LCOR: variants seen among roughly 807,000 people sequenced by gnomAD.
The protein encoded by LCOR is ligand-dependent corepressor.
Under a neutral mutation model 64.4 loss-of-function variants are expected in LCOR, and 14 were observed. The observed-to-expected ratio is 0.22, with a 90% CI of 0.14 to 0.34. LCOR has a LOEUF of 0.34. Ranked by LOEUF, LCOR falls within the 10% of genes least tolerant of loss-of-function variation. The pLI is 1.00. For missense variants in LCOR, 1,686 were observed against 1,765.3 expected (o/e 0.96, Z 0.80); for synonymous variants, 643 against 642.5 (o/e 1.00, Z -0.01).
At chr10:96,974,931 A>G (rs1848025805) in intron 7 of LCOR, among the ~76,000 whole-genome samples, 1 of 152,166 alleles carries the variant, frequency 6.6e-6, no homozygotes, top group Non-Finnish European at 1.5e-5. Context: ...CACTTTGGGA[A>G]GCCGAGGCTG....
At chr10:96,927,280 C>T (rs538837382) in intron 4 of LCOR, among the ~76,000 whole-genome samples, 16 of 152,126 alleles carry the variant, frequency 1.1e-4, no homozygotes, top group African/African-American at 3.1e-4. Context: ...GTTGAGCATC[C>T]TGTCCATCTA....
At chr10:96,894,966 T>C (rs1232487606) in intron 2 of LCOR, among the ~76,000 whole-genome samples, 1 of 152,202 alleles carries the variant, frequency 6.6e-6, no homozygotes, top group Non-Finnish European at 1.5e-5. Context: ...AGACCTGACC[T>C]TAATTTTCAG....
intron 7 of LCOR, among the ~76,000 whole-genome samples, chr10:96,969,992 C>A (rs1247100495): frequency 7.0e-6 from 1 of 141,884 alleles, no homozygotes; most frequent in Non-Finnish European, 1.5e-5. Context: ...GGGGTTTCAC[C>A]ATGTTGGCCA....
intron 7 of LCOR, among the ~76,000 whole-genome samples, chr10:96,954,033 C>T (rs1408662091): frequency 5.3e-5 from 8 of 152,046 alleles, no homozygotes; most frequent in Non-Finnish European, 1.2e-4. Flanking sequence ...GTTTGAAAGC[C>T]GTCCATTTGA....
chr10:96,955,360 A>G, intron 7 of LCOR: 1 of 1,614,176 alleles, frequency 6.2e-7, no homozygotes, highest in Non-Finnish European at 8.5e-7. Flanking sequence ...GATGTGAGCC[A>G]TTCATCTCCT....
At chr10:96,932,490 A>T (rs1466609592) in intron 4 of LCOR, among the ~76,000 whole-genome samples, 1 of 152,022 alleles carries the variant, frequency 6.6e-6, no homozygotes, top group Non-Finnish European at 1.5e-5. Context: ...TTTGAGACAG[A>T]GTCTCGCTCT....
At chr10:96,920,937 A>G (rs776567556) in intron 4 of LCOR, among the ~76,000 whole-genome samples, 9 of 151,918 alleles carry the variant, frequency 5.9e-5, no homozygotes, top group Non-Finnish European at 1.3e-4. Context: ...AGCTGAGACC[A>G]CAGGCACTTG....
At chr10:96,844,871 T>C (rs992167629) in intron 2 of LCOR, among the ~76,000 whole-genome samples, 2 of 152,170 alleles carry the variant, frequency 1.3e-5, no homozygotes, top group Non-Finnish European at 2.9e-5. Context: ...CCTTTTCTTC[T>C]ATTGATATTC....
intron 7 of LCOR, among the ~76,000 whole-genome samples, chr10:96,978,511 A>C (rs1461632871): frequency 1.3e-5 from 2 of 152,082 alleles, no homozygotes; most frequent in Non-Finnish European, 2.9e-5. Context: ...CTTTTGTAAT[A>C]CTTCTATAAT....
chr10:96,988,142 T>G lies in LCOR; in HGVS notation c.*3008T>G, dbSNP rs945146831. On this transcript the variant is annotated 3_prime_UTR_variant, in exon 8 of 8. Transcript: ENST00000421806. ...CCCTCTTCAGGACACCCATCTTCTATCCTACGAGACTCCCTGCTATAGATG... is the reference window on the plus strand; with the variant it reads ...CCCTCTTCAGGACACCCATCTTCTAGCCTACGAGACTCCCTGCTATAGATG... 2.6e-5 allele frequency: 4 copies of G among 152,216 alleles called. No homozygotes were observed. The highest frequency in any genetic ancestry group is 4.4e-5 in the Non-Finnish European group (3 of 68,060). The allele number at this position is 152,216 out of a possible 1,614,324, so 9.4% of individuals were successfully genotyped here. A position where few individuals can be genotyped will look rare whatever the true frequency, so the allele number is the denominator to read the frequency against.
intron 7 of LCOR, chr10:96,962,359 T>A (rs1248582333): frequency 6.6e-6 from 1 of 152,186 alleles, no homozygotes; most frequent in East Asian, 1.9e-4. Flanking sequence ...GAATGAGCAG[T>A]ATTTAGAATC....
At chr10:96,836,178 A>G (rs1414445917) in intron 2 of LCOR, among the ~76,000 whole-genome samples, 1 of 152,194 alleles carries the variant, frequency 6.6e-6, no homozygotes, top group Non-Finnish European at 1.5e-5. Context: ...AGCTGGAGCA[A>G]TTCTAGGAAG....
intron 4 of LCOR, among the ~76,000 whole-genome samples, chr10:96,929,092 C>T (rs1847214482): frequency 6.6e-6 from 1 of 152,064 alleles, no homozygotes; most frequent in Admixed American, 6.6e-5. Context: ...TCTTAAGGGC[C>T]CTCGAATTTG....
intron 5 of LCOR, among the ~76,000 whole-genome samples, chr10:96,947,058 CTGTT>C (rs757214120): frequency 3.9e-5 from 6 of 152,134 alleles, no homozygotes; most frequent in Non-Finnish European, 4.4e-5. Flanking sequence ...CGTTAAATGA[CTGTT>C]TGGAAAATTC....
intron 2 of LCOR, among the ~76,000 whole-genome samples, chr10:96,838,676 TA>T (rs1449598027): frequency 6.6e-6 from 1 of 152,270 alleles, no homozygotes; most frequent in Non-Finnish European, 1.5e-5. Context: ...CTTTTATGGC[TA>T]AATAACACTG....
intron 2 of LCOR, among the ~76,000 whole-genome samples, chr10:96,892,456 GAC>G (rs1309063739): frequency 2.0e-5 from 3 of 152,110 alleles, no homozygotes; most frequent in Non-Finnish European, 4.4e-5. Flanking sequence ...TCAAGATCAA[GAC>G]ACAGACAGAT....
chr10:96,853,345 C>T (rs1011743119), intron 2 of LCOR, among the ~76,000 whole-genome samples: 2 of 152,026 alleles, frequency 1.3e-5, no homozygotes, highest in Admixed American at 1.3e-4. Context: ...TTGCACCCAG[C>T]CTGTTGTCAC....
chr10:96,833,372 A>T, intron 1 of LCOR, 34 bp from the exon 2 acceptor site: 2 of 984,172 alleles, frequency 2.0e-6, no homozygotes, highest in Non-Finnish European at 2.4e-6. Context: ...TGCGCCTCTC[A>T]CACTGTGTGT....
rs1564647797 is a variant in LCOR at position 96,989,697 on chromosome 10, T to TATATATATATATATATA, written c.*4563_*4564insATATATATATATATATA. On this transcript the variant is annotated 3_prime_UTR_variant, in exon 8 of 8. Coordinates refer to ENST00000421806, the MANE Select transcript of LCOR (RefSeq NM_001346516.2). ...AGGATATATATATATATATATATAT[T>TATATATATATATATATA]TTTTTTTTTTTTTTTTTTTTTTAAT... 2.3e-4 allele frequency: 11 copies of TATATATATATATATATA among 47,132 alleles called. No homozygotes were observed. The highest frequency in any genetic ancestry group is 1.3e-3 in the African/African-American group (11 of 8,602). 2.9% of individuals were successfully genotyped at this position (47,132 alleles called of 1,614,324 possible).
Sources: gnomAD v4.1 joint callset for allele counts (sites outside exome capture counted in the v4.1 genomes callset) on GRCh38, gnomAD v4.1.1 for gene constraint, MANE v1.5 for transcripts, NCBI Gene and HGNC (gene_info 2026-07-23, HGNC 2026-07-21) for gene names.